SDK1: variants seen among roughly 807,000 people sequenced by gnomAD.
The protein encoded by SDK1 is protein sidekick-1.
In SDK1, 157 loss-of-function variants were observed where a neutral mutation model predicts 245.5. The observed-to-expected ratio is 0.64, with a 90% CI of 0.56 to 0.73. The LOEUF (loss-of-function observed/expected upper bound fraction) is 0.73, where lower values mean the gene tolerates loss of function less well. Among genes scored for constraint, SDK1 ranks in the 30% least tolerant of loss-of-function variants. The pLI is 0.00. For synonymous variants in SDK1, 1,647 were observed against 1,278.5 expected (o/e 1.29, Z -6.15); for missense variants, 3,583 against 3,002.3 (o/e 1.19, Z -4.52).
intron 2 of SDK1, among the ~76,000 whole-genome samples, chr7:3,637,318 A>T (rs748414551): frequency 2.0e-5 from 3 of 152,158 alleles, no homozygotes; most frequent in Non-Finnish European, 2.9e-5. Flanking sequence ...GCTGGTGTCA[A>T]ACTCCTGGCC....
At chr7:3,590,791 T>C (rs1344065740) in intron 1 of SDK1, among the ~76,000 whole-genome samples, 2 of 151,082 alleles carry the variant, frequency 1.3e-5, no homozygotes, top group African/African-American at 2.4e-5. Context: ...TTTTTTTTTT[T>C]TTTTTTTTTA....
At chr7:4,096,289 A>C (rs1462712127) in intron 22 of SDK1, among the ~76,000 whole-genome samples, 2 of 152,140 alleles carry the variant, frequency 1.3e-5, no homozygotes, top group Admixed American at 6.5e-5. Flanking sequence ...TGGGACCTGC[A>C]TGGATTTGTG....
intron 1 of SDK1, among the ~76,000 whole-genome samples, chr7:3,318,166 G>C (rs981738660): frequency 1.3e-5 from 2 of 152,172 alleles, no homozygotes; most frequent in Admixed American, 1.3e-4. Flanking sequence ...CGCCTATATT[G>C]TGTCTTAGAG....
chr7:3,979,098 G>C (rs867757001), intron 13 of SDK1, among the ~76,000 whole-genome samples: 1 of 152,200 alleles, frequency 6.6e-6, no homozygotes, highest in Middle Eastern at 3.2e-3. Flanking sequence ...GCAAAGGGCT[G>C]CACAGGAGGC....
chr7:4,265,655 A>C lies in SDK1; in HGVS notation c.*271A>C, dbSNP rs540307846. 242 of 1,232,568 alleles carry C rather than the reference A, an allele frequency of 2.0e-4. 1 individual carries two copies. Among genetic ancestry groups the C allele is most frequent in the Non-Finnish European group, 2.3e-4 (230 of 990,426 alleles). The allele number at this position is 1,232,568 out of a possible 1,614,324, so 76.4% of individuals were successfully genotyped here. On this transcript the variant is annotated 3_prime_UTR_variant, in exon 45 of 45. Transcript: ENST00000404826. The stretch of plus-strand genomic sequence containing the variant: ...TATTTCACTGGTGCAATGGCTTGGC[A>C]CCTCCGGGGCCTGGGAGGACCTCAG...
Position 3,641,980 on chromosome 7 carries a change from G to A in SDK1, c.588G>A (p.Thr196=), listed in dbSNP as rs777820943. ...CAGATATGGGAAGTTTCATGGATAC[G>A]GACCAGAGGAAAACAGTTTCTCAAG... ...QVAYMGSFMD[T]DQRKTVSQGR... is the part of the protein sequence containing the mutation. The change falls in exon 4 of 45, where the codon ACG becomes ACA. Residue 196 remains threonine, a synonymous_variant. Coordinates refer to ENST00000404826, the MANE Select transcript of SDK1 (RefSeq NM_152744.4). 15 of 1,613,602 alleles carry A rather than the reference G, an allele frequency of 9.3e-6. No individual in the cohort carries two copies. The highest frequency in any genetic ancestry group is 2.7e-5 in the African/African-American group (2 of 74,890).
At chr7:3,705,581 A>G (rs917279548) in intron 4 of SDK1, among the ~76,000 whole-genome samples, 8 of 151,888 alleles carry the variant, frequency 5.3e-5, no homozygotes, top group African/African-American at 1.9e-4. Context: ...TAGCAATGCT[A>G]CTGATTGGTA....
At chr7:4,211,361 C>G (rs879771498) in intron 38 of SDK1, among the ~76,000 whole-genome samples, 3 of 152,004 alleles carry the variant, frequency 2.0e-5, no homozygotes, top group Non-Finnish European at 4.4e-5. Context: ...ATTCTGTAGA[C>G]CAGGGAGTGA....
chr7:3,802,570 C>G (rs1354755797), intron 4 of SDK1, among the ~76,000 whole-genome samples: 1 of 151,968 alleles, frequency 6.6e-6, no homozygotes, highest in Non-Finnish European at 1.5e-5. Flanking sequence ...TGTTCTGTCA[C>G]CACAGACATC....
At chr7:3,801,827 G>A (rs1779114423) in intron 4 of SDK1, among the ~76,000 whole-genome samples, 1 of 152,104 alleles carries the variant, frequency 6.6e-6, no homozygotes, top group Non-Finnish European at 1.5e-5. Context: ...CCGTCTTCAT[G>A]TGGTTCTCCC....
chr7:3,496,544 A>G (rs1220102744), intron 1 of SDK1, among the ~76,000 whole-genome samples: 2 of 151,984 alleles, frequency 1.3e-5, no homozygotes, highest in African/African-American at 2.4e-5. Context: ...GGAAAATCAT[A>G]TTCTTTTGCA....
chr7:3,656,026 A>ACCC (rs1300145451), intron 4 of SDK1, among the ~76,000 whole-genome samples: 4 of 152,108 alleles, frequency 2.6e-5, no homozygotes, highest in Non-Finnish European at 5.9e-5. Context: ...TGGGATTGTG[A>ACCC]CCCCACCTCT....
intron 4 of SDK1, among the ~76,000 whole-genome samples, chr7:3,808,696 G>C (rs922552512): frequency 6.6e-6 from 1 of 152,120 alleles, no homozygotes; most frequent in Non-Finnish European, 1.5e-5. Flanking sequence ...GTTTCTACCT[G>C]ATGGCTGTTT....
intron 17 of SDK1, among the ~76,000 whole-genome samples, chr7:4,022,927 A>C (rs111357401): frequency 4.0e-5 from 6 of 151,830 alleles, no homozygotes; most frequent in Non-Finnish European, 8.8e-5. Flanking sequence ...GCGCCCGCCA[A>C]CATGCCCCGC....
At chr7:3,386,041 T>C (rs1161936972) in intron 1 of SDK1, among the ~76,000 whole-genome samples, 1 of 152,176 alleles carries the variant, frequency 6.6e-6, no homozygotes, top group Non-Finnish European at 1.5e-5. Context: ...GTTAGTAATA[T>C]TACTCAAATA....
intron 44 of SDK1, among the ~76,000 whole-genome samples, chr7:4,255,755 G>T (rs1787581593): frequency 6.6e-6 from 1 of 152,044 alleles, no homozygotes; most frequent in Non-Finnish European, 1.5e-5. Flanking sequence ...ATCTGCCCAG[G>T]GTGGAATTTC....
intron 5 of SDK1, among the ~76,000 whole-genome samples, chr7:3,849,672 T>C (rs922646965): frequency 6.6e-6 from 1 of 152,218 alleles, no homozygotes; most frequent in African/African-American, 2.4e-5. Context: ...TGATGGATGA[T>C]TCTTAGAGGG....
At chr7:3,880,384 A>G (rs1241677148) in intron 5 of SDK1, among the ~76,000 whole-genome samples, 2 of 152,164 alleles carry the variant, frequency 1.3e-5, no homozygotes, top group Non-Finnish European at 2.9e-5. Context: ...CGGTTGGGCA[A>G]CACAGCGAGA....
intron 5 of SDK1, among the ~76,000 whole-genome samples, chr7:3,825,007 A>C (rs1200442639): frequency 6.6e-6 from 1 of 152,152 alleles, no homozygotes; most frequent in Non-Finnish European, 1.5e-5. Context: ...GCTTGCTGCC[A>C]TCCCAGGGGT....
Sources: gnomAD v4.1 joint callset for allele counts (sites outside exome capture counted in the v4.1 genomes callset) on GRCh38, gnomAD v4.1.1 for gene constraint, MANE v1.5 for transcripts, NCBI Gene and HGNC (gene_info 2026-07-23, HGNC 2026-07-21) for gene names.